Variants in DYM observed in about 807,000 individuals in gnomAD.
DYM encodes the protein dymeclin, also known as dyggve-Melchior-Clausen syndrome protein.
DYM carries 78 observed loss-of-function variants against 93.1 expected under a neutral mutation model. The observed-to-expected ratio is 0.84, with a 90% confidence interval of 0.70 to 1.01. The LOEUF (loss-of-function observed/expected upper bound fraction) is 1.01, where lower values mean the gene tolerates loss of function less well. Ranked by LOEUF, DYM falls within the 50% of genes least tolerant of loss-of-function variation. The pLI is 0.00. For synonymous variants in DYM, 321 were observed against 319.7 expected (o/e 1.00, Z -0.04); for missense variants, 789 against 845.0 (o/e 0.93, Z 0.82).
intron 16 of DYM, among the ~76,000 whole-genome samples, chr18:49,108,917 G>T (rs575099764): frequency 6.6e-6 from 1 of 152,026 alleles, no homozygotes; most frequent in Non-Finnish European, 1.5e-5. Context: ...TGGTTGTTAC[G>T]TCTCCTTGGT....
At chr18:49,111,197 T>C (rs1349188592) in intron 16 of DYM, among the ~76,000 whole-genome samples, 2 of 152,224 alleles carry the variant, frequency 1.3e-5, no homozygotes, top group Admixed American at 6.5e-5. Context: ...TCTTCTTTTT[T>C]TTTTTTAAAC....
chr18:49,298,129 C>T (rs994373496), intron 8 of DYM, among the ~76,000 whole-genome samples: 44 of 151,944 alleles, frequency 2.9e-4, no homozygotes, highest in Non-Finnish European at 6.0e-4. Context: ...ATTCAATTTT[C>T]CTAACACAAA....
At chr18:49,217,018 C>G (rs529193735) in intron 13 of DYM, among the ~76,000 whole-genome samples, 1 of 152,056 alleles carries the variant, frequency 6.6e-6, no homozygotes, top group Non-Finnish European at 1.5e-5. Context: ...AAAATTTAGA[C>G]GAATGTATAA....
chr18:49,322,181 G>A (rs1393598150), intron 8 of DYM, among the ~76,000 whole-genome samples: 1 of 151,902 alleles, frequency 6.6e-6, no homozygotes, highest in African/African-American at 2.4e-5. Flanking sequence ...TTATAATTTG[G>A]CTTGGACACC....
chr18:49,212,505 ATTT>A (rs953523974), intron 13 of DYM, among the ~76,000 whole-genome samples: 2 of 147,616 alleles, frequency 1.4e-5, no homozygotes, highest in Non-Finnish European at 1.5e-5. Context: ...GGTAAAACTA[ATTT>A]TTTTTTTTTG....
intron 15 of DYM, among the ~76,000 whole-genome samples, chr18:49,148,454 C>T (rs1239633859): frequency 6.6e-6 from 1 of 151,878 alleles, no homozygotes; most frequent in Non-Finnish European, 1.5e-5. Flanking sequence ...CACAGGGTCT[C>T]CCTATATTGC....
chr18:49,421,082 C>G (rs2073644217), intron 2 of DYM, among the ~76,000 whole-genome samples: 1 of 152,176 alleles, frequency 6.6e-6, no homozygotes, highest in South Asian at 2.1e-4. Flanking sequence ...CAGGGCACAG[C>G]TGAACAAAAG....
intron 6 of DYM, among the ~76,000 whole-genome samples, chr18:49,340,938 A>G (rs575055305): frequency 3.3e-4 from 50 of 152,234 alleles, no homozygotes; most frequent in Admixed American, 4.6e-4. Context: ...GATGCCATTA[A>G]CTAAATCAAG....
chr18:49,146,465 T>A (rs1395378134), intron 15 of DYM, among the ~76,000 whole-genome samples: 1 of 152,164 alleles, frequency 6.6e-6, no homozygotes, highest in Non-Finnish European at 1.5e-5. Context: ...CAGCACAAAA[T>A]CTCCTTAAAC....
intron 6 of DYM, among the ~76,000 whole-genome samples, chr18:49,353,463 G>T (rs2065287775): frequency 6.6e-6 from 1 of 151,922 alleles, no homozygotes; most frequent in Non-Finnish European, 1.5e-5. Flanking sequence ...CTGAATGAAG[G>T]GTGTGGGAAG....
intron 17 of DYM, among the ~76,000 whole-genome samples, chr18:49,046,570 C>T (rs1159319251): frequency 6.6e-6 from 1 of 151,898 alleles, no homozygotes; most frequent in Non-Finnish European, 1.5e-5. Context: ...CACACAGTAA[C>T]AAGAATTTTA....
At chr18:49,289,794 C>T (rs55923669) in intron 8 of DYM, among the ~76,000 whole-genome samples, 2,852 of 68,232 alleles carry the variant, frequency 0.042, 143 homozygotes, top group African/African-American at 0.08. Context: ...TATATACACA[C>T]ATATATATAT....
In DYM at chr18:49,327,262, GA is replaced by G. The variant is rs551766466; in HGVS notation, c.763+4601del. 2.6e-3 allele frequency among the ~76,000 whole-genome samples: 398 copies of G among 151,890 alleles called. 3 individuals are homozygous for G. The highest frequency in any genetic ancestry group is 4.8e-3 in the Non-Finnish European group (328 of 67,930). On this transcript the variant is annotated intron_variant, in intron 8 of 17. Transcript: ENST00000675505. The stretch of plus-strand genomic sequence containing the variant: ...TAAGTAGGAGAATGCAGATAAATGG[GA>G]AAAAAAGATTGTTGATCATTCTTGA...
intron 5 of DYM, among the ~76,000 whole-genome samples, chr18:49,365,129 T>C (rs1022616277): frequency 2.6e-5 from 4 of 152,090 alleles, no homozygotes; most frequent in African/African-American, 4.8e-5. Context: ...CAGCAGTTAA[T>C]TGCAAAGCAT....
At chr18:49,156,259 C>T (rs1304256160) in intron 15 of DYM, among the ~76,000 whole-genome samples, 1 of 152,172 alleles carries the variant, frequency 6.6e-6, no homozygotes, top group African/African-American at 2.4e-5. Flanking sequence ...TGCTAACTTG[C>T]ATCACAGTCC....
chr18:49,063,135 A>G (rs1283653355), intron 17 of DYM, among the ~76,000 whole-genome samples: 2 of 152,202 alleles, frequency 1.3e-5, no homozygotes, highest in Non-Finnish European at 2.9e-5. Flanking sequence ...GAAAAAGCAC[A>G]TATTCAGCAA....
intron 11 of DYM, among the ~76,000 whole-genome samples, chr18:49,264,148 G>A (rs1228314973): frequency 6.8e-6 from 1 of 148,010 alleles, no homozygotes; most frequent in Non-Finnish European, 1.5e-5. Flanking sequence ...GTAGCTCTAC[G>A]CATTCATTCT....
intron 8 of DYM, 124 bp downstream of exon 8, chr18:49,331,740 T>A (rs2063320184): frequency 9.4e-7 from 1 of 1,068,388 alleles, no homozygotes; most frequent in Non-Finnish European, 1.4e-6. Flanking sequence ...TGTTTTCACA[T>A]TGAACCAGCT....
At chr18:49,126,870 T>C (rs2082880690) in intron 15 of DYM, among the ~76,000 whole-genome samples, 1 of 152,212 alleles carries the variant, frequency 6.6e-6, no homozygotes, top group Non-Finnish European at 1.5e-5. Context: ...TGCAAAGAAC[T>C]CAGAACTCAT....
Sources: allele counts gnomAD v4.1 joint callset (sites outside exome capture counted in the v4.1 genomes callset), GRCh38; gene constraint gnomAD v4.1.1; transcripts MANE v1.5; gene names NCBI Gene and HGNC (gene_info 2026-07-23, HGNC 2026-07-21).